The following CFAP46 variants were observed in gnomAD, a reference collection of about 807,000 sequenced individuals.
The protein encoded by CFAP46 is cilia- and flagella-associated protein 46.
In CFAP46, 245 loss-of-function variants were observed where a neutral mutation model predicts 325.7. That is an observed-to-expected ratio of 0.75 (90% CI 0.68 to 0.84). The LOEUF (loss-of-function observed/expected upper bound fraction) is 0.84. Among genes scored for constraint, CFAP46 ranks in the 40% least tolerant of loss-of-function variants. The pLI, the probability that CFAP46 is intolerant of heterozygous loss-of-function variation, is 0.00. For synonymous variants in CFAP46, 1,523 were observed against 1,495.9 expected, an observed-to-expected ratio of 1.02 and a Z score of -0.42; for missense variants, 3,346 against 3,543.0, an observed-to-expected ratio of 0.94 and a Z score of 1.41.
At chr10:132,885,692 G>GGATGCAGTGGGT (rs1849112777) in intron 26 of CFAP46, 129 bp downstream of exon 26, 4 of 957,522 alleles carry the variant, frequency 4.2e-6, no homozygotes, top group South Asian at 1.6e-5. Context: ...ACTCCGGTGG[G>GGATGCAGTGGGT]GGAGCACACC....
At chr10:132,823,117 GTGTGTGCTGATGTGTGCTC>G (rs1564766925) in intron 50 of CFAP46, among the ~76,000 whole-genome samples, 4 of 141,740 alleles carry the variant, frequency 2.8e-5, no homozygotes, top group East Asian at 4.4e-4. Context: ...TGTGTGCTGT[GTGTGTGCTGATGTGTGCTC>G]TGTGTGCTGA....
chr10:132,823,726 G>C (rs1206456534), intron 50 of CFAP46, among the ~76,000 whole-genome samples: 1 of 133,586 alleles, frequency 7.5e-6, no homozygotes, highest in Non-Finnish European at 1.6e-5. Flanking sequence ...TGTGCTGTGT[G>C]CTGATGTGTG....
At chr10:132,841,777 C>G (rs940176862) in intron 44 of CFAP46, among the ~76,000 whole-genome samples, 1 of 152,194 alleles carries the variant, frequency 6.6e-6, no homozygotes, top group African/African-American at 2.4e-5. Context: ...CCCCTGGGGC[C>G]GCCATGGAGA....
Position 132,836,832 on chromosome 10 carries a change from T to G in CFAP46, c.6521A>C (p.His2174Pro). The change falls in exon 45 of 58, where the codon CAC becomes CCC. Residue 2174 changes from histidine to proline, a missense_variant. Physicochemically the swap from His to Pro is moderately conservative, Grantham distance 77 (BLOSUM62 -2). Coordinates refer to ENST00000368586, the MANE Select transcript of CFAP46 (RefSeq NM_001200049.3). ...GCGGCTTTACCTGTCCCCTGAGAGG[T>G]GCAGAAAGAGGATCCAAAAGGTCGG... Reference protein sequence around the residue: ...MPPTFWILFLHLSGDRSRLYG... With the variant: ...MPPTFWILFLPLSGDRSRLYG... 6.2e-7 allele frequency: 1 copy of G among 1,613,452 alleles called. No homozygotes were observed. The highest frequency in any genetic ancestry group is 8.5e-7 in the Non-Finnish European group (1 of 1,179,832).
intron 44 of CFAP46, 25 bp downstream of exon 44, chr10:132,846,032 T>C: frequency 6.3e-7 from 1 of 1,590,896 alleles, no homozygotes; most frequent in Non-Finnish European, 8.5e-7. Context: ...TGGGGGCAGG[T>C]TCAGCGGCAT....
In CFAP46 at chr10:132,850,413, C is replaced by A; in HGVS notation, c.5783G>T (p.Arg1928Leu). Residue 1928 changes from arginine (R) to leucine (L), a missense_variant, in exon 41 of 58, where the codon CGG becomes CTG. Arg to Leu is a moderately radical substitution (Grantham distance 102). Transcript: ENST00000368586. ...SVGLQWFTLK[R>L]TLAHGALAQL... ...TGCCAGTGCCCCGTGTGCTAGAGTC[C>A]GCTTCAGCGTGAACCATTGCTTCGA... is the stretch of plus-strand genomic sequence containing the variant. 1.3e-6 allele frequency: 2 copies of A among 1,575,134 alleles called. No homozygotes were observed. The highest frequency in any genetic ancestry group is 1.2e-5 in the South Asian group (1 of 86,290).
intron 27 of CFAP46, among the ~76,000 whole-genome samples, chr10:132,882,806 G>A (rs897093474): frequency 6.6e-6 from 1 of 152,020 alleles, no homozygotes; most frequent in African/African-American, 2.4e-5. Context: ...CATGGATGGG[G>A]AAGGAGGGGA....
chr10:132,860,012 A>T (rs564160662), intron 37 of CFAP46, among the ~76,000 whole-genome samples: 1 of 152,330 alleles, frequency 6.6e-6, no homozygotes, highest in African/African-American at 2.4e-5. Flanking sequence ...CTGAGATTGC[A>T]CCACTGCACT....
chr10:132,912,959 C>T, intron 18 of CFAP46, 87 bp downstream of exon 18: 1 of 1,494,042 alleles, frequency 6.7e-7, no homozygotes, highest in Non-Finnish European at 9.0e-7. Context: ...CACAGAGGGC[C>T]ATGGAGTGCA....
At chr10:132,833,332 T>G in intron 50 of CFAP46, 26 bp downstream of exon 50, 1 of 1,591,598 alleles carries the variant, frequency 6.3e-7, no homozygotes, top group South Asian at 1.1e-5. Context: ...AAATTACACA[T>G]TAAGGTGGCT....
intron 35 of CFAP46, among the ~76,000 whole-genome samples, chr10:132,862,234 C>T (rs553537750): frequency 6.6e-6 from 1 of 152,278 alleles, no homozygotes; most frequent in East Asian, 1.9e-4. Context: ...GGGGGAGGCC[C>T]TTCGTGGCTG....
chr10:132,859,902 A>G (rs925336712), intron 37 of CFAP46, among the ~76,000 whole-genome samples: 2 of 152,210 alleles, frequency 1.3e-5, no homozygotes, highest in Non-Finnish European at 2.9e-5. Context: ...TAAAAATACA[A>G]AAATTAGCCG....
intron 50 of CFAP46, among the ~76,000 whole-genome samples, chr10:132,823,195 T>G (rs1336994582): frequency 1.5e-5 from 2 of 136,432 alleles, no homozygotes; most frequent in African/African-American, 2.8e-5. Flanking sequence ...TGTGCTGATG[T>G]GTGCTGTGTG....
At position 132,821,869 on chromosome 10, in the gene CFAP46, C is replaced by CTGA. The variant is rs566425373; in HGVS notation, c.7118-6956_7118-6955insTCA. Among the ~76,000 whole-genome samples, 952 of 132,000 alleles carry CTGA rather than the reference C, an allele frequency of 7.2e-3. 4 individuals carry two copies. Among genetic ancestry groups the CTGA allele is most frequent in the South Asian group, 0.033 (128 of 3,866 alleles). 86.6% of individuals were successfully genotyped at this position (132,000 alleles called of 152,430 possible). A position where few individuals can be genotyped will look rare whatever the true frequency, so the allele number is the denominator to read the frequency against. On this transcript the variant is annotated intron_variant, in intron 50 of 57. Transcript: ENST00000368586. The stretch of plus-strand genomic sequence containing the variant: ...TGAGCGCTGATGTGTGCTGTGTGTG[C>CTGA]TGTGTGCTGTGTGTGCAGTGATGTG...
chr10:132,871,770 A>G (rs372394208), intron 32 of CFAP46, among the ~76,000 whole-genome samples: 14 of 152,230 alleles, frequency 9.2e-5, no homozygotes, highest in African/African-American at 2.9e-4. Flanking sequence ...TGCTGTGAAC[A>G]CTGTGGAAAT....
chr10:132,867,512 T>C lies in CFAP46; in HGVS notation c.4611-5A>G. On this transcript the variant is annotated splice_polypyrimidine_tract_variant and splice_region_variant and intron_variant, in intron 33 of 57. Transcript: ENST00000368586. ...AACGCGATCTCTTTTCTGCAGCTAA[T>C]GCGAGGAAAACAGACAATACGCAAG... is the stretch of plus-strand genomic sequence containing the variant. 2.6e-6 allele frequency: 4 copies of C among 1,549,486 alleles called. No individual in the cohort carries two copies. Among genetic ancestry groups the C allele is most frequent in the Non-Finnish European group, 2.6e-6 (3 of 1,146,836 alleles).
chr10:132,925,890 G>T (rs552012207), intron 10 of CFAP46, among the ~76,000 whole-genome samples: 6 of 152,196 alleles, frequency 3.9e-5, no homozygotes, highest in African/African-American at 1.4e-4. Context: ...TGTACCCAGC[G>T]GAGCCTCGCA....
chr10:132,881,312 G>C (rs186804075), intron 27 of CFAP46, among the ~76,000 whole-genome samples: 1 of 152,138 alleles, frequency 6.6e-6, no homozygotes, highest in Non-Finnish European at 1.5e-5. Context: ...CCCTCCTGGG[G>C]ACTCCCGGGT....
chr10:132,822,142 G>T (rs1316663758), intron 50 of CFAP46, among the ~76,000 whole-genome samples: 1 of 138,746 alleles, frequency 7.2e-6, no homozygotes. Flanking sequence ...TGCTGTGTGT[G>T]TGCTGATGTG....
Sources: allele counts gnomAD v4.1 joint callset (sites outside exome capture counted in the v4.1 genomes callset), GRCh38; gene constraint gnomAD v4.1.1; transcripts MANE v1.5; gene names NCBI Gene and HGNC (gene_info 2026-07-23, HGNC 2026-07-21).